SLC10A7: variants seen among roughly 807,000 people sequenced by gnomAD.
The protein encoded by SLC10A7 is sodium/bile acid cotransporter 7.
SLC10A7 carries 29 observed loss-of-function variants against 43.2 expected under a neutral mutation model. The observed-to-expected ratio is 0.67, with a 90% CI of 0.50 to 0.92. The LOEUF (loss-of-function observed/expected upper bound fraction) is 0.92. SLC10A7 is among the 40% of genes least tolerant of loss of function. SLC10A7 has a pLI of 0.00. For synonymous variants in SLC10A7, 152 were observed against 144.8 expected, an observed-to-expected ratio of 1.05 and a Z score of -0.35; for missense variants, 295 against 403.2, an observed-to-expected ratio of 0.73 and a Z score of 2.30.
intron 4 of SLC10A7, among the ~76,000 whole-genome samples, chr4:146,480,056 G>A (rs1330354955): frequency 2.7e-5 from 4 of 150,906 alleles, no homozygotes; most frequent in Admixed American, 6.6e-5. Flanking sequence ...AAGGCATACT[G>A]CAGCTAAATA....
chr4:146,502,669 C>T (rs1406691801), intron 4 of SLC10A7, among the ~76,000 whole-genome samples: 1 of 152,140 alleles, frequency 6.6e-6, no homozygotes, highest in African/African-American at 2.4e-5. Flanking sequence ...CAAAATACTA[C>T]TCCTCAGCAA....
chr4:146,479,404 A>T (rs1183908840), intron 4 of SLC10A7, among the ~76,000 whole-genome samples: 1 of 152,200 alleles, frequency 6.6e-6, no homozygotes, highest in East Asian at 1.9e-4. Context: ...AACAGATGAA[A>T]ATGTTCAGAA....
At chr4:146,517,513 A>C (rs1413882019) in intron 1 of SLC10A7, among the ~76,000 whole-genome samples, 1 of 152,132 alleles carries the variant, frequency 6.6e-6, no homozygotes, top group East Asian at 1.9e-4. Context: ...ACTGCAGGAC[A>C]ACAAATGGTA....
chr4:146,281,319 G>C (rs1430457592), intron 10 of SLC10A7, among the ~76,000 whole-genome samples: 1 of 149,822 alleles, frequency 6.7e-6, no homozygotes, highest in African/African-American at 2.5e-5. Flanking sequence ...GCACAGAACA[G>C]AGAAACAGAG....
At chr4:146,453,801 C>G (rs1290570013) in intron 4 of SLC10A7, among the ~76,000 whole-genome samples, 2 of 151,932 alleles carry the variant, frequency 1.3e-5, no homozygotes, top group Non-Finnish European at 2.9e-5. Flanking sequence ...ACTGACCCTT[C>G]TAAGACAAAA....
At chr4:146,493,010 A>C (rs527466729) in intron 4 of SLC10A7, among the ~76,000 whole-genome samples, 48 of 152,342 alleles carry the variant, frequency 3.2e-4, no homozygotes, top group African/African-American at 1.1e-3. Flanking sequence ...TCATAACTCC[A>C]TGATTTAGTA....
At chr4:146,495,784 C>G (rs1735841886) in intron 4 of SLC10A7, among the ~76,000 whole-genome samples, 1 of 151,494 alleles carries the variant, frequency 6.6e-6, no homozygotes, top group African/African-American at 2.4e-5. Context: ...CACACACACA[C>G]ACACACACAC....
At chr4:146,403,971 A>C (rs918860058) in intron 5 of SLC10A7, among the ~76,000 whole-genome samples, 1 of 152,146 alleles carries the variant, frequency 6.6e-6, no homozygotes, top group Non-Finnish European at 1.5e-5. Context: ...ATTTTTATCC[A>C]TATTGCTAAA....
chr4:146,305,385 T>C (rs1290387421), intron 7 of SLC10A7, among the ~76,000 whole-genome samples: 4 of 135,154 alleles, frequency 3.0e-5, no homozygotes, highest in African/African-American at 1.1e-4. Flanking sequence ...TGAGATCACA[T>C]GGACACAGGA....
intron 5 of SLC10A7, among the ~76,000 whole-genome samples, chr4:146,436,256 C>T (rs1730205287): frequency 6.6e-6 from 1 of 152,006 alleles, no homozygotes; most frequent in African/African-American, 2.4e-5. Context: ...AGGTACAGAT[C>T]CTATACATTT....
chr4:146,406,614 T>C (rs1727717084), intron 5 of SLC10A7, among the ~76,000 whole-genome samples: 1 of 152,124 alleles, frequency 6.6e-6, no homozygotes, highest in South Asian at 2.1e-4. Context: ...AGAACATTCT[T>C]GCCAATTTGA....
At chr4:146,485,407 A>G (rs1172280008) in intron 4 of SLC10A7, among the ~76,000 whole-genome samples, 1 of 152,140 alleles carries the variant, frequency 6.6e-6, no homozygotes, top group Non-Finnish European at 1.5e-5. Context: ...CAAGCTTTGG[A>G]ATGGACCTTG....
At chr4:146,520,130 T>A (rs1181321276) in intron 1 of SLC10A7, among the ~76,000 whole-genome samples, 1 of 152,214 alleles carries the variant, frequency 6.6e-6, no homozygotes, top group Admixed American at 6.5e-5. Context: ...GATTTAAAGT[T>A]AAAGATCATA....
intron 7 of SLC10A7, among the ~76,000 whole-genome samples, chr4:146,297,972 C>T (rs1730898865): frequency 6.6e-6 from 1 of 152,126 alleles, no homozygotes; most frequent in South Asian, 2.1e-4. Context: ...AGAGTCAAGT[C>T]AACTTGCATA....
rs147681107 is a variant in SLC10A7 at position 146,458,187 on chromosome 4, A to C, written c.397-15366T>G. 2.3e-3 allele frequency among the ~76,000 whole-genome samples: 355 copies of C among 151,930 alleles called. 3 individuals are homozygous for C. Among genetic ancestry groups the C allele is most frequent in the African/African-American group, 8.2e-3 (339 of 41,510 alleles). Reference sequence around the variant, plus strand: ...TTGGCATAAGATTTAAGAATCAATCAAAGCAATTCACCTTATCAATAGATG... The same window carrying C: ...TTGGCATAAGATTTAAGAATCAATCCAAGCAATTCACCTTATCAATAGATG... On this transcript the variant is annotated intron_variant, in intron 4 of 11. Coordinates refer to ENST00000335472, the MANE Select transcript of SLC10A7 (RefSeq NM_001029998.6).
intron 5 of SLC10A7, among the ~76,000 whole-genome samples, chr4:146,339,959 T>C (rs1734143488): frequency 6.6e-6 from 1 of 151,740 alleles, no homozygotes; most frequent in African/African-American, 2.4e-5. Context: ...ATATTTGTCC[T>C]AATGCTCTCC....
At chr4:146,396,709 TG>T (rs2149811216) in intron 5 of SLC10A7, among the ~76,000 whole-genome samples, 1 of 152,126 alleles carries the variant, frequency 6.6e-6, no homozygotes, top group South Asian at 2.1e-4. Context: ...CAAAAAAATA[TG>T]TACTTTGGTA....
At chr4:146,287,339 C>A (rs75355260) in intron 9 of SLC10A7, among the ~76,000 whole-genome samples, 2 of 152,008 alleles carry the variant, frequency 1.3e-5, no homozygotes, top group Non-Finnish European at 2.9e-5. Flanking sequence ...GAGAGAAATA[C>A]CTGATGAACA....
chr4:146,275,679 G>A (rs1335707593), intron 10 of SLC10A7, among the ~76,000 whole-genome samples: 1 of 152,102 alleles, frequency 6.6e-6, no homozygotes, highest in Non-Finnish European at 1.5e-5. Flanking sequence ...AGGTATTCCA[G>A]CAGACAAGGC....
Sources: allele counts gnomAD v4.1 joint callset (sites outside exome capture counted in the v4.1 genomes callset), GRCh38; gene constraint gnomAD v4.1.1; transcripts MANE v1.5; gene names NCBI Gene and HGNC (gene_info 2026-07-23, HGNC 2026-07-21).